ICA1L: variants seen among roughly 807,000 people sequenced by gnomAD.
The protein encoded by ICA1L is islet cell autoantigen 1 like.
Under a neutral mutation model 61.3 loss-of-function variants are expected in ICA1L, and 50 were observed. That is an observed-to-expected ratio of 0.82 (90% CI 0.65 to 1.03). The LOEUF is 1.03. ICA1L is among the 50% of genes least tolerant of loss of function. The pLI, the probability that ICA1L is intolerant of heterozygous loss-of-function variation, is 0.00. For synonymous variants in ICA1L, 161 were observed against 191.3 expected, an observed-to-expected ratio of 0.84 and a Z score of 1.31; for missense variants, 508 against 556.7, an observed-to-expected ratio of 0.91 and a Z score of 0.88.
chr2:202,827,384 C>G (rs936766915), intron 2 of ICA1L, among the ~76,000 whole-genome samples: 13 of 151,158 alleles, frequency 8.6e-5, no homozygotes, highest in African/African-American at 2.4e-4. Context: ...CAGAGTGAGA[C>G]TCCATCTCAA....
chr2:202,845,719 TA>T (rs1023043717), intron 1 of ICA1L, among the ~76,000 whole-genome samples: 11 of 152,124 alleles, frequency 7.2e-5, no homozygotes, highest in African/African-American at 2.7e-4. Context: ...AAATCTTAAG[TA>T]AAATAAAACA....
chr2:202,826,216 TAATG>T (rs1382611801), intron 2 of ICA1L, among the ~76,000 whole-genome samples: 1 of 152,154 alleles, frequency 6.6e-6, no homozygotes, highest in Non-Finnish European at 1.5e-5. Flanking sequence ...AAAAATTAAA[TAATG>T]TATTATAACA....
chr2:202,847,116 G>C (rs1203374870), intron 1 of ICA1L, among the ~76,000 whole-genome samples: 2 of 152,208 alleles, frequency 1.3e-5, no homozygotes, highest in Non-Finnish European at 2.9e-5. Flanking sequence ...AGATTGTAGA[G>C]ACCTGTTTAG....
At position 202,817,455 on chromosome 2, in the gene ICA1L, C is replaced by T. The variant is rs1693568358; in HGVS notation, c.647G>A (p.Arg216His). Residue 216 changes from arginine to histidine, a missense_variant, in exon 6 of 13, where the codon CGC becomes CAC. Transcript: ENST00000358299. ...CQKVDLLGASRCNMLSHSLTT... is the reference protein window; with the variant it reads ...CQKVDLLGASHCNMLSHSLTT... ...GAGCGAATGAGATAGCATATTGCAG[C>T]GACTAGCTCCAAGTAAATCCACTTT... 11 of 1,610,470 alleles carry T rather than the reference C, an allele frequency of 6.8e-6. No homozygotes were observed. Among genetic ancestry groups the T allele is most frequent in the South Asian group, 1.1e-5 (1 of 90,600 alleles).
rs562230381 is a variant in ICA1L at position 202,777,044 on chromosome 2, C to CTTTTTTTTT, written c.*2480_*2488dup. 267 of 68,586 alleles carry CTTTTTTTTT rather than the reference C, an allele frequency of 3.9e-3. 37 individuals carry two copies. The highest frequency in any genetic ancestry group is 0.017 in the African/African-American group (261 of 15,268). The allele number at this position is 68,586 out of a possible 1,614,324, so 4.2% of individuals were successfully genotyped here. On this transcript the variant is annotated 3_prime_UTR_variant, in exon 13 of 13. Transcript: ENST00000358299. ...ACAAACTCTCAAGACATAAAGTTAGCTTTTTTTTTTTTTTTTTTTTTTTTT... is the reference window on the plus strand; with the variant it reads ...ACAAACTCTCAAGACATAAAGTTAGCTTTTTTTTTTTTTTTTTTTTTTTTTTTTTTTTTT...
chr2:202,800,658 A>T (rs1023175767), intron 9 of ICA1L, among the ~76,000 whole-genome samples: 7 of 152,194 alleles, frequency 4.6e-5, no homozygotes, highest in African/African-American at 1.7e-4. Flanking sequence ...ATGAAATGTA[A>T]ATTTCTCCTA....
At chr2:202,844,573 TC>T (rs1694417515) in intron 1 of ICA1L, 1 of 152,068 alleles carries the variant, frequency 6.6e-6, no homozygotes, top group South Asian at 2.1e-4. Flanking sequence ...GGTAACTGAA[TC>T]ACCAGAGGCT....
chr2:202,868,258 T>C (rs748611827), intron 1 of ICA1L, among the ~76,000 whole-genome samples: 19 of 152,196 alleles, frequency 1.2e-4, no homozygotes, highest in Non-Finnish European at 2.4e-4. Flanking sequence ...AGGAATGAAT[T>C]CTCAACCCAC....
At position 202,779,667 on chromosome 2, in the gene ICA1L, A is replaced by C; in HGVS notation, c.1334-19T>G. The C allele has an allele frequency of 7.2e-7, 1 of 1,380,558 alleles. No homozygotes were observed. 85.5% of individuals were successfully genotyped at this position (1,380,558 alleles called of 1,614,324 possible). A position where few individuals can be genotyped will look rare whatever the true frequency, so the allele number is the denominator to read the frequency against. On this transcript the variant is annotated intron_variant, in intron 12 of 12. Transcript: ENST00000358299. ...TTGGGGGCTATTAAAAAAGAAAAAAAATACATTAAAGAGATTCAGTTTTGA... is the reference window on the plus strand; with the variant it reads ...TTGGGGGCTATTAAAAAAGAAAAAACATACATTAAAGAGATTCAGTTTTGA...
chr2:202,804,309 G>A (rs1449989672), intron 9 of ICA1L, among the ~76,000 whole-genome samples: 1 of 152,198 alleles, frequency 6.6e-6, no homozygotes, highest in Non-Finnish European at 1.5e-5. Context: ...TCCAGCCAAT[G>A]GAGACAGGAC....
intron 1 of ICA1L, chr2:202,860,273 A>AAATAATAGT (rs1553538719): frequency 6.3e-5 from 7 of 111,526 alleles, no homozygotes; most frequent in African/African-American, 2.1e-4. Flanking sequence ...CTCTGTCTCA[A>AAATAATAGT]AATAATAATA....
chr2:202,829,672 AT>A (rs1283718861), intron 1 of ICA1L, among the ~76,000 whole-genome samples: 1 of 152,196 alleles, frequency 6.6e-6, no homozygotes, highest in Non-Finnish European at 1.5e-5. Context: ...GTATGCTATA[AT>A]TTCAACTTGC....
chr2:202,840,828 C>A, intron 1 of ICA1L: 1 of 617,812 alleles, frequency 1.6e-6, no homozygotes. Context: ...TCAATCTCAG[C>A]CTGGAGCTGG....
At chr2:202,834,035 T>A (rs571750993) in intron 1 of ICA1L, among the ~76,000 whole-genome samples, 2 of 152,252 alleles carry the variant, frequency 1.3e-5, no homozygotes, top group South Asian at 4.2e-4. Context: ...CTTGGAGATA[T>A]CTATGAGGCA....
intron 1 of ICA1L, among the ~76,000 whole-genome samples, chr2:202,858,420 A>G (rs1435538616): frequency 6.6e-6 from 1 of 152,232 alleles, no homozygotes; most frequent in Non-Finnish European, 1.5e-5. Context: ...GAGTTGAACA[A>G]TGAGAACACA....
rs1011539801 is a variant in ICA1L, at chr2:202,775,524, A to C, written c.*4009T>G. 1 of 152,138 alleles carries C rather than the reference A, an allele frequency of 6.6e-6. No individual in the cohort carries two copies. Among genetic ancestry groups the C allele is most frequent in the Non-Finnish European group, 1.5e-5 (1 of 68,018 alleles). 9.4% of individuals were successfully genotyped at this position (152,138 alleles called of 1,614,324 possible). A position where few individuals can be genotyped will look rare whatever the true frequency, so the allele number is the denominator to read the frequency against. ...TGAAATAAGAACGAATTCATCTCAC[A>C]AGGATTTTCTTTTGAGACGGAGTCT... On this transcript the variant is annotated 3_prime_UTR_variant, in exon 13 of 13. Coordinates refer to ENST00000358299, the MANE Select transcript of ICA1L (RefSeq NM_001288622.3).
rs1454359776 is a variant in ICA1L at position 202,795,256 on chromosome 2, G to T, written c.985+1634C>A. Among the ~76,000 whole-genome samples the T allele has an allele frequency of 2.0e-5, 3 of 151,240 alleles. No individual in the cohort carries two copies. In the East Asian group the frequency reaches 5.8e-4, roughly 29 times the overall value. On this transcript the variant is annotated intron_variant, in intron 10 of 12. Coordinates refer to ENST00000358299, the MANE Select transcript of ICA1L (RefSeq NM_001288622.3). The stretch of plus-strand genomic sequence containing the variant: ...TCTGCCCACCTTGGCCTCCCAAAGT[G>T]CTGGGATTACAGGCGTGAGCCACCG...
intron 10 of ICA1L, among the ~76,000 whole-genome samples, chr2:202,793,344 T>C (rs1421070458): frequency 6.6e-6 from 1 of 151,652 alleles, no homozygotes. Context: ...TAGACCTAGA[T>C]GTTTTCATAG....
rs1419319456 is a variant in ICA1L at position 202,811,735 on chromosome 2, T to C, written c.910+11A>G. 1.9e-6 allele frequency: 3 copies of C among 1,574,210 alleles called. No homozygotes were observed. The East Asian group carries it at 6.7e-5, about 35-fold the overall frequency. On this transcript the variant is annotated intron_variant, in intron 9 of 12. Transcript: ENST00000358299. ...TGTGACCATTTCAAAGTAATAAATT[T>C]ACCATCTTACCTTGTTCACTCTCAA...
Sources: allele counts gnomAD v4.1 joint callset (sites outside exome capture counted in the v4.1 genomes callset), GRCh38; gene constraint gnomAD v4.1.1; transcripts MANE v1.5; gene names NCBI Gene and HGNC (gene_info 2026-07-23, HGNC 2026-07-21).